CHD7: variants seen among roughly 807,000 people sequenced by gnomAD.
CHD7 encodes ATP-dependent chromatin remodeler CHD7.
A neutral mutation model predicts 307.3 loss-of-function variants in CHD7; 24 were observed. The observed-to-expected ratio is 0.08, with a 90% CI of 0.06 to 0.11. The LOEUF is 0.11. CHD7 is among the 10% of genes least tolerant of loss of function. The pLI, the probability that CHD7 is intolerant of heterozygous loss-of-function variation, is 1.00. For missense variants in CHD7, 3,106 were observed against 3,727.1 expected, an observed-to-expected ratio of 0.83 and a Z score of 4.34; for synonymous variants, 1,363 against 1,349.9, an observed-to-expected ratio of 1.01 and a Z score of -0.21.
chr8:60,864,474 T>C (rs1806150332), intron 37 of CHD7: 1 of 153,564 alleles, frequency 6.5e-6, no homozygotes, highest in Admixed American at 6.4e-5. Flanking sequence ...TTTAAAAATT[T>C]GTTATGGGTA....
chr8:60,803,733 A>G (rs973946448), intron 6 of CHD7, among the ~76,000 whole-genome samples: 1 of 152,236 alleles, frequency 6.6e-6, no homozygotes, highest in Non-Finnish European at 1.5e-5. Flanking sequence ...ACAGGTGCTA[A>G]CTTTTTAAAC....
chr8:60,867,727 T>C lies in CHD7; in HGVS notation c.*1794T>C, dbSNP rs1401548514. On this transcript the variant is annotated 3_prime_UTR_variant, in exon 38 of 38. Transcript: ENST00000423902. ...CAGACTGTGAGATTCAGTTCGTTTA[T>C]GCCCCAAGATGAAAATATGCCCCTT... 6.6e-6 allele frequency: 1 copy of C among 152,214 alleles called. No individual in the cohort carries two copies. The highest frequency in any genetic ancestry group is 2.4e-5 in the African/African-American group (1 of 41,456). The allele number at this position is 152,214 out of a possible 1,614,324, so 9.4% of individuals were successfully genotyped here.
chr8:60,742,286 T>C lies in CHD7; in HGVS notation c.854T>C (p.Val285Ala). 2 of 1,613,932 alleles carry C rather than the reference T, an allele frequency of 1.2e-6. No individual in the cohort carries two copies. The highest frequency in any genetic ancestry group is 1.7e-5 in the Admixed American group (1 of 60,012). Residue 285 changes from valine to alanine, a missense_variant, in exon 2 of 38, where the codon GTT (valine) becomes GCT (alanine). Val to Ala is a moderately conservative substitution (Grantham distance 64). This residue lies in a region of CHD7 where 998 missense variants were observed against 1,004.5 expected (regional missense o/e 0.99). Coordinates refer to ENST00000423902, the MANE Select transcript of CHD7 (RefSeq NM_017780.4). ...CCGAATCCTCCCCAACAAGGGGCTG[T>C]TAGGCCGCAAACCCTTAACTTTAGT... ...FSPNPPQQGA[V>A]RPQTLNFSSR... is the part of the protein sequence containing the mutation.
At chr8:60,818,553 A>G (rs1475543489) in intron 8 of CHD7, among the ~76,000 whole-genome samples, 13 of 152,242 alleles carry the variant, frequency 8.5e-5, no homozygotes, top group Non-Finnish European at 1.9e-4. Context: ...TTAATACACT[A>G]ATACTTTATA....
intron 3 of CHD7, among the ~76,000 whole-genome samples, chr8:60,790,169 G>A (rs1384619554): frequency 6.6e-6 from 1 of 152,176 alleles, no homozygotes; most frequent in Non-Finnish European, 1.5e-5. Flanking sequence ...GGAGCAGATG[G>A]CTCTATATCT....
chr8:60,777,327 A>C (rs1030497182), intron 2 of CHD7, among the ~76,000 whole-genome samples: 3 of 152,232 alleles, frequency 2.0e-5, no homozygotes, highest in African/African-American at 7.2e-5. Context: ...AGCATTGCAC[A>C]CACTGTTAAC....
chr8:60,798,833 G>T (rs966071728), intron 4 of CHD7, among the ~76,000 whole-genome samples: 3 of 152,064 alleles, frequency 2.0e-5, no homozygotes, highest in Admixed American at 1.3e-4. Context: ...ATTTAGATTT[G>T]ACATACATAT....
intron 19 of CHD7, among the ~76,000 whole-genome samples, chr8:60,838,596 A>G (rs1281283706): frequency 2.0e-5 from 3 of 152,224 alleles, no homozygotes; most frequent in Non-Finnish European, 4.4e-5. Flanking sequence ...GAAACAGCCT[A>G]TAAGAATGAT....
In CHD7 at chr8:60,801,576, C is replaced by T. The variant is rs2150711196; in HGVS notation, c.2425C>T (p.Arg809Cys). ...AGTGGTAGAAAAAATTATGAGCAGTCGTTCAGTAAAAAAGCAGGTGAGTGC... is the reference window on the plus strand; with the variant it reads ...AGTGGTAGAAAAAATTATGAGCAGTTGTTCAGTAAAAAAGCAGGTGAGTGC... ...GPVVEKIMSS[R>C]SVKKQKESGE... is the part of the protein sequence containing the mutation. The change falls in exon 6 of 38, where the codon CGT becomes TGT. Residue 809 changes from arginine to cysteine, a missense_variant. By Grantham distance (180) the Arg-to-Cys change is radical. Transcript: ENST00000423902. The T allele has an allele frequency of 1.9e-6, 3 of 1,572,930 alleles. No individual in the cohort carries two copies. Among genetic ancestry groups the T allele is most frequent in the Non-Finnish European group, 2.6e-6 (3 of 1,157,996 alleles).
chr8:60,817,218 C>A (rs1411974253), intron 8 of CHD7, among the ~76,000 whole-genome samples: 1 of 152,102 alleles, frequency 6.6e-6, no homozygotes, highest in Non-Finnish European at 1.5e-5. Flanking sequence ...AAGAAAAACC[C>A]TAACATTGAA....
In CHD7 at chr8:60,848,498, T is replaced by C. The variant is rs1805309524; in HGVS notation, c.5211-17T>C. On this transcript the variant is annotated splice_polypyrimidine_tract_variant and intron_variant, in intron 23 of 37. Transcript: ENST00000423902. ...CTGAAGTTAAGAACTTTTTCCCCCC[T>C]CTGTCTTCCTCTCCAGGGTCCTGCT... 4 of 1,600,104 alleles carry C rather than the reference T, an allele frequency of 2.5e-6. No individual in the cohort carries two copies. The highest frequency in any genetic ancestry group is 3.4e-5 in the Admixed American group (2 of 58,988).
At chr8:60,761,528 T>TG (rs1810206420) in intron 2 of CHD7, among the ~76,000 whole-genome samples, 1 of 151,938 alleles carries the variant, frequency 6.6e-6, no homozygotes. Context: ...GTTCCACCGT[T>TG]GCCTTTTTCT....
chr8:60,742,170 A>C lies in CHD7; in HGVS notation c.738A>C (p.Ala246=), dbSNP rs1398377794. The change falls in exon 2 of 38, where the codon GCA becomes GCC. Residue 246 remains alanine (A), a synonymous_variant. Transcript: ENST00000423902. ...SHVPQQSPSM[A]PSLRHSVQQF... is the part of the protein sequence containing the mutation. ...TGCCCCAGCAGAGTCCCAGCATGGC[A>C]CCTTCCTTGCGTCACTCGGTGCAGC... 6.2e-7 allele frequency: 1 copy of C among 1,613,810 alleles called. No individual in the cohort carries two copies. The highest frequency in any genetic ancestry group is 1.3e-5 in the African/African-American group (1 of 74,960).
At chr8:60,851,666 T>A (rs1475310329) in intron 28 of CHD7, among the ~76,000 whole-genome samples, 1 of 152,234 alleles carries the variant, frequency 6.6e-6, no homozygotes, top group African/African-American at 2.4e-5. Context: ...TATTGACCTT[T>A]TACCGAATAT....
chr8:60,695,882 A>G (rs1037136688), intron 1 of CHD7, among the ~76,000 whole-genome samples: 2 of 152,198 alleles, frequency 1.3e-5, no homozygotes, highest in African/African-American at 2.4e-5. Flanking sequence ...CTGAAGTTTC[A>G]TAAGTATAAA....
intron 4 of CHD7, among the ~76,000 whole-genome samples, chr8:60,796,337 T>C (rs1352813104): frequency 6.6e-6 from 1 of 152,216 alleles, no homozygotes; most frequent in Non-Finnish European, 1.5e-5. Flanking sequence ...CTAAAGTGTT[T>C]TATTGATTTT....
rs1286287151 is a variant in CHD7, at chr8:60,865,223, C to G, written c.8284C>G (p.Gln2762Glu). The G allele has an allele frequency of 4.6e-5, 74 of 1,609,496 alleles. No individual in the cohort carries two copies. The highest frequency in any genetic ancestry group is 6.3e-5 in the Non-Finnish European group (74 of 1,177,910). The change falls in exon 38 of 38, where the codon CAG (glutamine) becomes GAG (glutamate). Residue 2762 changes from glutamine to glutamate, a missense_variant. Gln to Glu is a conservative substitution (Grantham distance 29). Transcript: ENST00000423902. This position sits in a 1 kb window ranked among gnomAD's most constrained non-coding sequence, Gnocchi z 4.3. ...GMDLTSLQNL[Q>E]NLQSLQLAGL... The stretch of plus-strand genomic sequence containing the variant: ...GGACCTGACGAGCCTTCAGAATCTC[C>G]AGAATCTCCAGTCGCTCCAGCTGGC...
chr8:60,836,269 C>T lies in CHD7; in HGVS notation c.3975C>T (p.Tyr1325=), dbSNP rs764334390. ...GCTGCTTGGACATACTGGAAGACTA[C>T]CTCATTCAAAGACGGTGAGGACCAC... ...MVRCLDILED[Y]LIQRRYPYER... The change falls in exon 16 of 38, where the codon TAC becomes TAT. Residue 1325 remains tyrosine (Y), a synonymous_variant. Transcript: ENST00000423902. 1.2e-6 allele frequency: 2 copies of T among 1,613,438 alleles called. No individual in the cohort carries two copies. Among genetic ancestry groups the T allele is most frequent in the Non-Finnish European group, 1.7e-6 (2 of 1,179,536 alleles).
In CHD7 at chr8:60,742,504, G is replaced by T. The variant is rs745778752; in HGVS notation, c.1072G>T (p.Gly358Cys). The T allele has an allele frequency of 1.2e-6, 2 of 1,613,964 alleles. No individual in the cohort carries two copies. Among genetic ancestry groups the T allele is most frequent in the Non-Finnish European group, 8.5e-7 (1 of 1,179,890 alleles). ...PNAVGFPSNS[G>C]QGLMHQQPIH... ...TGCTGTAGGATTCCCATCAAACAGTGGTCAAGGACTAATGCACCAGCAGCC... is the reference window on the plus strand; with the variant it reads ...TGCTGTAGGATTCCCATCAAACAGTTGTCAAGGACTAATGCACCAGCAGCC... Residue 358 changes from glycine (G) to cysteine (C), a missense_variant, in exon 2 of 38, where the codon GGT becomes TGT. Physicochemically the swap from Gly to Cys is radical, Grantham distance 159. This residue lies in a region of CHD7 where 998 missense variants were observed against 1,004.5 expected (regional missense o/e 0.99). Transcript: ENST00000423902.
Sources: allele counts gnomAD v4.1 joint callset (sites outside exome capture counted in the v4.1 genomes callset), GRCh38; gene constraint gnomAD v4.1.1; regional missense constraint gnomAD v4.1.1; non-coding constraint Gnocchi (gnomAD v3.1); transcripts MANE v1.5; gene names NCBI Gene and HGNC (gene_info 2026-07-23, HGNC 2026-07-21).